The following HTR3A variants were observed in gnomAD, a reference collection of about 807,000 sequenced individuals.
HTR3A encodes 5-hydroxytryptamine receptor 3A.
HTR3A carries 45 observed loss-of-function variants against 54.8 expected under a neutral mutation model. That is an observed-to-expected ratio of 0.82 (90% confidence interval 0.65 to 1.05). The LOEUF (loss-of-function observed/expected upper bound fraction) is 1.05, where lower values mean the gene tolerates loss of function less well. Among genes scored for constraint, HTR3A ranks in the 50% least tolerant of loss-of-function variants. The pLI, the probability that HTR3A is intolerant of heterozygous loss-of-function variation, is 0.00. For missense variants in HTR3A, 657 were observed against 614.0 expected (o/e 1.07, Z -0.74); for synonymous variants, 297 against 256.0 (o/e 1.16, Z -1.53).
rs188918539 is a variant in HTR3A, at chr11:113,981,866, G to T, written c.374+554G>T. Among the ~76,000 whole-genome samples the T allele has an allele frequency of 3.0e-4, 45 of 152,008 alleles. No individual in the cohort carries two copies. The East Asian group carries it at 5.4e-3, about 18-fold the overall frequency. On this transcript the variant is annotated intron_variant, in intron 4 of 8. Transcript: ENST00000504030. The stretch of plus-strand genomic sequence containing the variant: ...CCAGCTACTCGGGCAGCTGAGGCAG[G>T]AGAATTGCTTGAACCTGGGAGATGG...
chr11:113,976,230 C>T lies in HTR3A; in HGVS notation c.67+838C>T, dbSNP rs115167234. Among the ~76,000 whole-genome samples, 689 of 152,150 alleles carry T rather than the reference C, an allele frequency of 4.5e-3. 4 individuals are homozygous for T. The highest frequency in any genetic ancestry group is 0.016 in the African/African-American group (649 of 41,484). ...GGGAGTGCTCCGTGGGTTAAGCAAA[C>T]GCAAGCTGTAAGTGATGACTGTGGT... On this transcript the variant is annotated intron_variant, in intron 1 of 8. Coordinates refer to ENST00000504030, the MANE Select transcript of HTR3A (RefSeq NM_000869.6).
intron 3 of HTR3A, 194 bp from the exon 4 acceptor site, chr11:113,981,009 G>A (rs986630961): frequency 1.7e-6 from 1 of 603,170 alleles, no homozygotes; most frequent in Non-Finnish European, 3.0e-6. Context: ...GTTATGTGTG[G>A]AGGCAGAGTG....
intron 1 of HTR3A, among the ~76,000 whole-genome samples, chr11:113,977,335 T>C (rs1235902596): frequency 3.3e-5 from 5 of 152,212 alleles, no homozygotes. Context: ...ATGCAGACCC[T>C]TGGGCTTAGA....
In HTR3A at chr11:113,976,357, TC is replaced by T. The variant is rs572451294; in HGVS notation, c.67+968del. Among the ~76,000 whole-genome samples the T allele has an allele frequency of 2.1e-3, 323 of 152,172 alleles. 2 individuals carry two copies. The highest frequency in any genetic ancestry group is 4.0e-3 in the Non-Finnish European group (273 of 68,006). On this transcript the variant is annotated intron_variant, in intron 1 of 8. Coordinates refer to ENST00000504030, the MANE Select transcript of HTR3A (RefSeq NM_000869.6). ...TCAGTGCTCTCCAAGCTGGTCAGGA[TC>T]CCAGTCAATAGGACCCAGGCTCTTG...
chr11:113,986,415 A>G, intron 6 of HTR3A, 103 bp from the exon 7 acceptor site: 1 of 1,371,198 alleles, frequency 7.3e-7, no homozygotes, highest in Non-Finnish European at 1.0e-6. Context: ...TGAGCAATCC[A>G]GGCTGGAAGC....
intron 1 of HTR3A, 36 bp from the exon 2 acceptor site, chr11:113,977,735 G>C (rs751495647): frequency 1.2e-6 from 2 of 1,609,662 alleles, no homozygotes; most frequent in Non-Finnish European, 1.7e-6. Context: ...AAGTCTTGGG[G>C]GGCTGGTGTC....
At chr11:113,981,627 G>A (rs1359492438) in intron 4 of HTR3A, among the ~76,000 whole-genome samples, 1 of 152,144 alleles carries the variant, frequency 6.6e-6, no homozygotes, top group Admixed American at 6.5e-5. Flanking sequence ...TGGGACAGCT[G>A]CACTTATAAA....
chr11:113,979,046 C>A (rs960179059), intron 2 of HTR3A, among the ~76,000 whole-genome samples, 187 bp from the exon 3 acceptor site: 6 of 152,164 alleles, frequency 3.9e-5, no homozygotes, highest in African/African-American at 1.4e-4. Context: ...CTCTAGTGAA[C>A]AACTAACTTT....
At chr11:113,982,978 A>G in intron 4 of HTR3A, 142 bp from the exon 5 acceptor site, 1 of 919,600 alleles carries the variant, frequency 1.1e-6, no homozygotes, top group Non-Finnish European at 1.7e-6. Context: ...GGAAAAACCG[A>G]GGCCAGGCAA....
At chr11:113,978,039 G>T in intron 2 of HTR3A, 117 bp downstream of exon 2, 1 of 1,198,976 alleles carries the variant, frequency 8.3e-7, no homozygotes, top group Non-Finnish European at 1.2e-6. Flanking sequence ...TAGGACCTAC[G>T]GTCTGGCACC....
Position 113,977,853 on chromosome 11 carries a change from C to T in HTR3A, c.150C>T (p.Arg50=). The change falls in exon 2 of 9, where the codon CGC becomes CGT. Residue 50 remains arginine (R), a synonymous_variant. Transcript: ENST00000504030. ...TGACCAACTACAGGAAGGGTGTGCGCCCCGTGAGGGACTGGAGGAAGCCAA... is the reference window on the plus strand; with the variant it reads ...TGACCAACTACAGGAAGGGTGTGCGTCCCGTGAGGGACTGGAGGAAGCCAA... ...YLLTNYRKGV[R]PVRDWRKPTT... is the part of the protein sequence containing the mutation. 6.2e-7 allele frequency: 1 copy of T among 1,614,192 alleles called. No homozygotes were observed. Among genetic ancestry groups the T allele is most frequent in the Non-Finnish European group, 8.5e-7 (1 of 1,180,034 alleles).
Position 113,990,166 on chromosome 11 carries a change from C to T in HTR3A, c.*403C>T, listed in dbSNP as rs1346035851. ...TTAGGTTGAAGGCAAAACCAACTCTCTACTACACAGGCCTGATAACTCTGT... is the reference window on the plus strand; with the variant it reads ...TTAGGTTGAAGGCAAAACCAACTCTTTACTACACAGGCCTGATAACTCTGT... On this transcript the variant is annotated 3_prime_UTR_variant, in exon 9 of 9. Transcript: ENST00000504030. 12 of 459,970 alleles carry T rather than the reference C, an allele frequency of 2.6e-5. No individual in the cohort carries two copies. The highest frequency in any genetic ancestry group is 2.6e-4 in the Admixed American group (11 of 42,700). 28.5% of individuals were successfully genotyped at this position (459,970 alleles called of 1,614,324 possible). A position where few individuals can be genotyped will look rare whatever the true frequency, so the allele number is the denominator to read the frequency against.
intron 5 of HTR3A, 65 bp downstream of exon 5, chr11:113,983,354 G>C: frequency 6.3e-7 from 1 of 1,579,414 alleles, no homozygotes; most frequent in South Asian, 1.1e-5. Flanking sequence ...ACCTGAGCGA[G>C]GAGTGCTCCC....
chr11:113,979,209 T>G, intron 2 of HTR3A, 24 bp from the exon 3 acceptor site: 2 of 1,609,008 alleles, frequency 1.2e-6, no homozygotes, highest in Non-Finnish European at 8.5e-7. Context: ...GGGTTACTTG[T>G]TCAAGCTCCC....
At position 113,983,753 on chromosome 11, in the gene HTR3A, C is replaced by T. The variant is rs1322490719; in HGVS notation, c.544+464C>T. On this transcript the variant is annotated intron_variant, in intron 5 of 8. Coordinates refer to ENST00000504030, the MANE Select transcript of HTR3A (RefSeq NM_000869.6). ...TCTCAGATCCATTTATTTCACTTCA[C>T]CCCCATGCAAACCACCCTCGTCTCC... 3.9e-5 allele frequency among the ~76,000 whole-genome samples: 6 copies of T among 152,266 alleles called. No individual in the cohort carries two copies. The East Asian group carries it at 9.7e-4, about 25-fold the overall frequency.
intron 4 of HTR3A, 41 bp downstream of exon 4, chr11:113,981,353 G>A: frequency 1.5e-6 from 2 of 1,299,718 alleles, no homozygotes; most frequent in Non-Finnish European, 1.1e-6. Context: ...GGGTGGCTTA[G>A]GAGCTGGAGA....
At chr11:113,981,129 G>A (rs532408701) in intron 3 of HTR3A, 74 bp from the exon 4 acceptor site, 2 of 913,404 alleles carry the variant, frequency 2.2e-6, no homozygotes, top group Non-Finnish European at 3.7e-6. Context: ...TGAGGGTGAA[G>A]TCTGCCTGAG....
rs144629647 is a variant in HTR3A at position 113,989,657 on chromosome 11, G to A, written c.1331G>A (p.Arg444His). 51 of 1,614,198 alleles carry A rather than the reference G, an allele frequency of 3.2e-5. No homozygotes were observed. The highest frequency in any genetic ancestry group is 2.8e-4 in the African/African-American group (21 of 75,052). ...EIREVARDWL[R>H]VGSVLDKLLF... ...CGAGAGGTGGCCCGAGACTGGCTGC[G>A]CGTGGGCTCCGTGCTGGACAAGCTG... is the stretch of plus-strand genomic sequence containing the variant. Residue 444 changes from arginine (R) to histidine (H), a missense_variant, in exon 9 of 9, where the codon CGC (arginine) becomes CAC (histidine). Coordinates refer to ENST00000504030, the MANE Select transcript of HTR3A (RefSeq NM_000869.6). This position sits in a 1 kb window ranked among gnomAD's most constrained non-coding sequence, Gnocchi z 4.4.
At chr11:113,977,406 G>A (rs987771796) in intron 1 of HTR3A, 2 of 691,784 alleles carry the variant, frequency 2.9e-6, no homozygotes, top group Admixed American at 2.7e-5. Flanking sequence ...CATACCCTGA[G>A]AGCCAGCTTC....
Sources: gnomAD v4.1 joint callset for allele counts (sites outside exome capture counted in the v4.1 genomes callset) on GRCh38, gnomAD v4.1.1 for gene constraint, Gnocchi (gnomAD v3.1) non-coding constraint, MANE v1.5 for transcripts, NCBI Gene and HGNC (gene_info 2026-07-23, HGNC 2026-07-21) for gene names.